The following NAALADL2 variants were observed in gnomAD, a reference collection of about 807,000 sequenced individuals.
The protein encoded by NAALADL2 is inactive N-acetylated-alpha-linked acidic dipeptidase-like protein 2.
In NAALADL2, 76 loss-of-function variants were observed where a neutral mutation model predicts 87.2. The ratio of observed to expected loss-of-function variants is 0.87; its 90% CI spans 0.72 to 1.05. The LOEUF (loss-of-function observed/expected upper bound fraction) is 1.05. NAALADL2 is among the 50% of genes least tolerant of loss of function. NAALADL2 has a pLI of 0.00. For synonymous variants in NAALADL2, 354 were observed against 331.0 expected (o/e 1.07, Z -0.75); for missense variants, 1,089 against 945.8 (o/e 1.15, Z -1.99).
intron 1 of NAALADL2, among the ~76,000 whole-genome samples, chr3:174,884,585 T>C (rs895598264): frequency 6.6e-6 from 1 of 152,116 alleles, no homozygotes; most frequent in African/African-American, 2.4e-5. Flanking sequence ...GGCAGAAGCA[T>C]TGTGTGCAGG....
At chr3:175,275,445 A>C (rs1016786955) in intron 4 of NAALADL2, among the ~76,000 whole-genome samples, 2 of 147,034 alleles carry the variant, frequency 1.4e-5, no homozygotes, top group African/African-American at 5.1e-5. Context: ...TTTCATTTAT[A>C]CACATCTGGA....
intron 10 of NAALADL2, among the ~76,000 whole-genome samples, chr3:175,619,236 AAAGGAAGGAAGG>A (rs1553933925): frequency 7.0e-6 from 1 of 142,310 alleles, no homozygotes; most frequent in Non-Finnish European, 1.5e-5. Context: ...AGAAAGAAAG[AAAGGAAGGAAGG>A]AAGGAAGGAA....
chr3:175,525,880 T>A (rs1212629442), intron 9 of NAALADL2, among the ~76,000 whole-genome samples: 1 of 152,168 alleles, frequency 6.6e-6, no homozygotes, highest in African/African-American at 2.4e-5. Context: ...TAGTCATGAT[T>A]ATTTTTCCGA....
chr3:175,388,020 C>A (rs544540124), intron 5 of NAALADL2, among the ~76,000 whole-genome samples: 1 of 152,092 alleles, frequency 6.6e-6, no homozygotes, highest in South Asian at 2.1e-4. Context: ...GGAGATCCAC[C>A]ATTCTCGGTA....
At chr3:175,282,699 A>G (rs1229403507) in intron 4 of NAALADL2, among the ~76,000 whole-genome samples, 1 of 152,052 alleles carries the variant, frequency 6.6e-6, no homozygotes, top group African/African-American at 2.4e-5. Context: ...ACATTTATTC[A>G]ACAACTCAGC....
rs577848030 is a variant in NAALADL2, at chr3:175,180,098, A to G, written c.546-53833A>G. On this transcript the variant is annotated intron_variant, in intron 2 of 13. Coordinates refer to ENST00000454872, the MANE Select transcript of NAALADL2 (RefSeq NM_207015.3). Reference sequence around the variant, plus strand: ...ACTAATAAAAGGTAGTTGTAACCAAAAAATGAAAATATTTAGCCTGTACTT... The same window carrying G: ...ACTAATAAAAGGTAGTTGTAACCAAGAAATGAAAATATTTAGCCTGTACTT... Among the ~76,000 whole-genome samples, 26 of 152,094 alleles carry G rather than the reference A, an allele frequency of 1.7e-4. No individual in the cohort carries two copies. The South Asian group carries it at 5.0e-3, about 29-fold the overall frequency.
At chr3:175,532,721 C>T (rs969861576) in intron 9 of NAALADL2, among the ~76,000 whole-genome samples, 2 of 152,192 alleles carry the variant, frequency 1.3e-5, no homozygotes, top group Admixed American at 6.5e-5. Context: ...ATATGAGTGT[C>T]GCCACCTGGC....
At position 174,622,420 on chromosome 3, in the gene NAALADL2, T is replaced by G. The variant is rs550942302; in HGVS notation, c.-115+71783T>G. On this transcript the variant is annotated intron_variant, in intron 2 of 3. Transcript: ENST00000434257. ...TTGTTAAAGAAATACAAGAACATTA[T>G]GTTTAGATTGTAAGGTATCATTTAG... 2.6e-5 allele frequency among the ~76,000 whole-genome samples: 4 copies of G among 152,330 alleles called. No individual in the cohort carries two copies. In the South Asian group the frequency reaches 8.3e-4, roughly 32 times the overall value.
chr3:175,691,685 G>T (rs998123707), intron 11 of NAALADL2, among the ~76,000 whole-genome samples: 1 of 151,882 alleles, frequency 6.6e-6, no homozygotes, highest in South Asian at 2.1e-4. Flanking sequence ...TCAGATTTTG[G>T]TGTGAATGGC....
chr3:175,398,496 C>T (rs576651749), intron 5 of NAALADL2, among the ~76,000 whole-genome samples: 38 of 151,954 alleles, frequency 2.5e-4, no homozygotes, highest in African/African-American at 8.7e-4. Flanking sequence ...CTGTTATGTG[C>T]TTTAGGGCTA....
intron 10 of NAALADL2, among the ~76,000 whole-genome samples, chr3:175,619,221 AAGAG>A (rs1379524406): frequency 2.0e-4 from 26 of 132,902 alleles, no homozygotes; most frequent in African/African-American, 7.0e-4. Flanking sequence ...AAAAGAGAGA[AAGAG>A]AGAAAGAAAG....
chr3:175,559,499 G>A (rs2149511605), intron 9 of NAALADL2, among the ~76,000 whole-genome samples: 1 of 152,094 alleles, frequency 6.6e-6, no homozygotes, highest in African/African-American at 2.4e-5. Flanking sequence ...GCTGAACATA[G>A]GCATTCTTGT....
chr3:174,583,631 T>A (rs73042661), intron 2 of NAALADL2, among the ~76,000 whole-genome samples: 3,929 of 152,272 alleles, frequency 0.026, 200 homozygotes, highest in African/African-American at 0.09. Flanking sequence ...ATTATGATAA[T>A]GTCTCAGTCT....
chr3:175,764,776 C>A (rs1433119635), intron 13 of NAALADL2, among the ~76,000 whole-genome samples: 1 of 152,046 alleles, frequency 6.6e-6, no homozygotes, highest in East Asian at 1.9e-4. Flanking sequence ...TGATCAGTTT[C>A]CAGCTACATA....
intron 1 of NAALADL2, among the ~76,000 whole-genome samples, chr3:174,893,075 A>G (rs1731059562): frequency 6.6e-6 from 1 of 152,186 alleles, no homozygotes; most frequent in Non-Finnish European, 1.5e-5. Context: ...ACAATAACTT[A>G]AAGTGGACCT....
intron 1 of NAALADL2, among the ~76,000 whole-genome samples, chr3:174,509,469 T>A (rs1383802954): frequency 6.7e-6 from 1 of 149,844 alleles, no homozygotes; most frequent in Non-Finnish European, 1.5e-5. Context: ...TGGCATGGTA[T>A]CTGCTCACTG....
chr3:175,805,847 G>A lies in NAALADL2; in HGVS notation c.*2644G>A, dbSNP rs899925138. 3 of 151,984 alleles carry A rather than the reference G, an allele frequency of 2.0e-5. No individual in the cohort carries two copies. In the East Asian group the frequency reaches 5.8e-4, roughly 29 times the overall value. 9.4% of individuals were successfully genotyped at this position (151,984 alleles called of 1,614,324 possible). A position where few individuals can be genotyped will look rare whatever the true frequency, so the allele number is the denominator to read the frequency against. On this transcript the variant is annotated 3_prime_UTR_variant, in exon 14 of 14. Coordinates refer to ENST00000454872, the MANE Select transcript of NAALADL2 (RefSeq NM_207015.3). ...ATGAGATACTGCCCTTTATGGAAAAGCATAAGTCTCAGAATCAAAAGAAAG... is the reference window on the plus strand; with the variant it reads ...ATGAGATACTGCCCTTTATGGAAAAACATAAGTCTCAGAATCAAAAGAAAG...
chr3:175,208,719 A>C (rs1329081797), intron 2 of NAALADL2, among the ~76,000 whole-genome samples: 1 of 152,174 alleles, frequency 6.6e-6, no homozygotes, highest in East Asian at 1.9e-4. Flanking sequence ...TGAACTATAA[A>C]ACTCAATTTA....
At chr3:174,713,839 C>T (rs1386491656) in intron 2 of NAALADL2, among the ~76,000 whole-genome samples, 6 of 151,830 alleles carry the variant, frequency 4.0e-5, no homozygotes, top group Non-Finnish European at 1.5e-5. Flanking sequence ...CTTTTGTTGC[C>T]ATTGCTTTTG....
Sources: gnomAD v4.1 joint callset for allele counts (sites outside exome capture counted in the v4.1 genomes callset) on GRCh38, gnomAD v4.1.1 for gene constraint, MANE v1.5 for transcripts, NCBI Gene and HGNC (gene_info 2026-07-23, HGNC 2026-07-21) for gene names.